The following GABRB3 variants were observed in gnomAD, a reference collection of about 807,000 sequenced individuals.
The protein encoded by GABRB3 is gamma-aminobutyric acid type A receptor subunit beta3.
Under a neutral mutation model 52.1 loss-of-function variants are expected in GABRB3, and 14 were observed. The observed-to-expected ratio is 0.27, with a 90% CI of 0.18 to 0.42. The LOEUF is 0.42. Among genes scored for constraint, GABRB3 ranks in the 10% least tolerant of loss-of-function variants. The pLI is 1.00. For synonymous variants in GABRB3, 260 were observed against 232.3 expected (o/e 1.12, Z -1.08); for missense variants, 307 against 609.1 (o/e 0.50, Z 5.22).
intron 3 of GABRB3, among the ~76,000 whole-genome samples, chr15:26,623,569 G>A (rs1892569994): frequency 6.6e-6 from 1 of 151,998 alleles, no homozygotes; most frequent in South Asian, 2.1e-4. Flanking sequence ...ACAGTCCAGA[G>A]GTCTTTTATT....
At chr15:26,622,564 C>A (rs1484446498) in intron 3 of GABRB3, among the ~76,000 whole-genome samples, 1 of 152,204 alleles carries the variant, frequency 6.6e-6, no homozygotes. Context: ...TGAGTTCACA[C>A]ACTTTAAGAT....
intron 4 of GABRB3, chr15:26,614,625 T>C (rs956822178): frequency 6.6e-6 from 1 of 152,222 alleles, no homozygotes; most frequent in South Asian, 2.1e-4. Context: ...TGCATAAAAA[T>C]CACACGAGAC....
At chr15:26,560,732 GGACTCCACTGGACT>G in intron 8 of GABRB3, among the ~76,000 whole-genome samples, 186 bp downstream of exon 8, 1 of 152,300 alleles carries the variant, frequency 6.6e-6, no homozygotes. Context: ...TAGATGGCCA[GGACTCCACTGGACT>G]GGTTTGAGCA....
At chr15:26,688,685 T>A (rs1426832471) in intron 3 of GABRB3, among the ~76,000 whole-genome samples, 1 of 152,222 alleles carries the variant, frequency 6.6e-6, no homozygotes, top group Non-Finnish European at 1.5e-5. Context: ...CCACATTCAC[T>A]GCATTGGTTC....
At chr15:26,556,124 T>G (rs1011941491) in intron 8 of GABRB3, among the ~76,000 whole-genome samples, 5 of 152,234 alleles carry the variant, frequency 3.3e-5, no homozygotes, top group Admixed American at 6.5e-5. Context: ...TCATGAATAC[T>G]CTTTATTTTG....
chr15:26,585,980 T>C (rs1890968622), intron 4 of GABRB3, among the ~76,000 whole-genome samples: 1 of 152,122 alleles, frequency 6.6e-6, no homozygotes, highest in Non-Finnish European at 1.5e-5. Context: ...GTTCAAATTT[T>C]TTAATTTTCT....
rs762050321 is a variant in GABRB3 at position 26,547,302 on chromosome 15, T to C, written c.*491A>G. 1 of 392,066 alleles carries C rather than the reference T, an allele frequency of 2.6e-6. No individual in the cohort carries two copies. The highest frequency in any genetic ancestry group is 4.5e-6 in the Non-Finnish European group (1 of 221,906). 24.3% of individuals were successfully genotyped at this position (392,066 alleles called of 1,614,324 possible). A position where few individuals can be genotyped will look rare whatever the true frequency, so the allele number is the denominator to read the frequency against. ...ATGAAGTAAGTGACTCATTTTAAAC[T>C]AGCAATACCACTGTATGAGTTTTCA... On this transcript the variant is annotated 3_prime_UTR_variant, in exon 9 of 9. Coordinates refer to ENST00000311550, the MANE Select transcript of GABRB3 (RefSeq NM_000814.6).
intron 4 of GABRB3, among the ~76,000 whole-genome samples, chr15:26,611,020 G>A (rs1055927767): frequency 1.3e-5 from 2 of 152,138 alleles, no homozygotes; most frequent in African/African-American, 2.4e-5. Context: ...GAAAACAGCC[G>A]AATCTTCTGA....
chr15:26,762,151 A>G (rs561025787), intron 3 of GABRB3, among the ~76,000 whole-genome samples: 1 of 152,256 alleles, frequency 6.6e-6, no homozygotes, highest in East Asian at 1.9e-4. Context: ...ATTTATTCTT[A>G]TAATAGGTAC....
chr15:26,681,951 C>T (rs1022246745), intron 3 of GABRB3, among the ~76,000 whole-genome samples: 28 of 152,032 alleles, frequency 1.8e-4, no homozygotes, highest in Non-Finnish European at 1.0e-4. Flanking sequence ...GAGTGAGACT[C>T]TGTCTCAAAA....
intron 8 of GABRB3, among the ~76,000 whole-genome samples, chr15:26,549,008 A>C (rs1889360831): frequency 6.6e-6 from 1 of 152,076 alleles, no homozygotes; most frequent in African/African-American, 2.4e-5. Context: ...CTTTCACTCC[A>C]GCAAGCCCCA....
At chr15:26,697,796 G>A (rs1265545053) in intron 3 of GABRB3, among the ~76,000 whole-genome samples, 1 of 152,088 alleles carries the variant, frequency 6.6e-6, no homozygotes, top group Non-Finnish European at 1.5e-5. Context: ...GAAGAAAATT[G>A]GTCTTAAATA....
chr15:26,578,337 C>T lies in GABRB3; in HGVS notation c.682+1982G>A, dbSNP rs140823908. ...AACTGACTGATGTGGAGCTCTTGCG[C>T]TACACCCAATAAATGCAGGACTCAG... On this transcript the variant is annotated intron_variant, in intron 6 of 8. Transcript: ENST00000311550. Among the ~76,000 whole-genome samples, 780 of 152,326 alleles carry T rather than the reference C, an allele frequency of 5.1e-3. 7 individuals carry two copies. Among genetic ancestry groups the T allele is most frequent in the African/African-American group, 0.018 (742 of 41,572 alleles).
intron 4 of GABRB3, among the ~76,000 whole-genome samples, chr15:26,588,643 G>C (rs1451884554): frequency 6.6e-6 from 1 of 152,026 alleles, no homozygotes; most frequent in African/African-American, 2.4e-5. Context: ...GAGCAATAAG[G>C]TTGATAAATT....
intron 3 of GABRB3, among the ~76,000 whole-genome samples, chr15:26,681,933 G>A (rs1185012219): frequency 6.6e-6 from 1 of 152,064 alleles, no homozygotes; most frequent in African/African-American, 2.4e-5. Flanking sequence ...ACTCCAGCCT[G>A]GGTGACAGAG....
chr15:26,749,126 GTTTT>G (rs375362791), intron 3 of GABRB3, among the ~76,000 whole-genome samples: 1 of 151,070 alleles, frequency 6.6e-6, no homozygotes. Context: ...AAATTTGAGA[GTTTT>G]TTTTTCTTTC....
Position 26,561,181 on chromosome 15 carries a change from A to G in GABRB3, c.836-5T>C. The G allele has an allele frequency of 6.2e-7, 1 of 1,613,706 alleles. No homozygotes were observed. The highest frequency in any genetic ancestry group is 8.5e-7 in the Non-Finnish European group (1 of 1,180,040). On this transcript the variant is annotated splice_region_variant and splice_polypyrimidine_tract_variant and intron_variant, in intron 7 of 8. Coordinates refer to ENST00000311550, the MANE Select transcript of GABRB3 (RefSeq NM_000814.6). ...TTGTCAGCACAGTTGTGATCCCTAG[A>G]AAAGAAACAAAGTGGTGAGAGGCTG...
intron 4 of GABRB3, among the ~76,000 whole-genome samples, chr15:26,585,081 T>C (rs1171123915): frequency 1.3e-5 from 2 of 152,082 alleles, no homozygotes. Flanking sequence ...CAAGTAGAGT[T>C]GAGGTTGCAG....
chr15:26,742,426 T>C (rs917225396), intron 3 of GABRB3, among the ~76,000 whole-genome samples: 3 of 151,528 alleles, frequency 2.0e-5, no homozygotes, highest in African/African-American at 7.3e-5. Flanking sequence ...ATAACTTATA[T>C]TCAAGATGTG....
Sources: allele counts gnomAD v4.1 joint callset (sites outside exome capture counted in the v4.1 genomes callset), GRCh38; gene constraint gnomAD v4.1.1; transcripts MANE v1.5; gene names NCBI Gene and HGNC (gene_info 2026-07-23, HGNC 2026-07-21).